AKAP6: variants seen among roughly 807,000 people sequenced by gnomAD.
AKAP6 encodes the protein A-kinase anchoring protein 6.
In AKAP6, 58 loss-of-function variants were observed where a neutral mutation model predicts 188.5. That is an observed-to-expected ratio of 0.31 (90% CI 0.25 to 0.38). AKAP6 has a LOEUF of 0.38. Among genes scored for constraint, AKAP6 ranks in the 10% least tolerant of loss-of-function variants. The probability of loss-of-function intolerance (pLI) is 1.00; values close to 1 mark genes in which losing one functional copy is unlikely to be tolerated. For synonymous variants in AKAP6, 989 were observed against 998.6 expected, an observed-to-expected ratio of 0.99 and a Z score of 0.18; for missense variants, 2,710 against 2,740.0, an observed-to-expected ratio of 0.99 and a Z score of 0.24.
At position 32,833,810 on chromosome 14, in the gene AKAP6, TA is replaced by T. The variant is rs1197342772; in HGVS notation, c.*4006del. On this transcript the variant is annotated 3_prime_UTR_variant, in exon 14 of 14. Transcript: ENST00000280979. The stretch of plus-strand genomic sequence containing the variant: ...ATCGAACCAACTAAATTTACCGCTA[TA>T]TTTTTTTCTACATATTCTTTTTTCA... The T allele has an allele frequency of 3.9e-5, 6 of 152,220 alleles. No individual in the cohort carries two copies. Among genetic ancestry groups the T allele is most frequent in the African/African-American group, 1.2e-4 (5 of 41,464 alleles). The allele number at this position is 152,220 out of a possible 1,614,324, so 9.4% of individuals were successfully genotyped here.
intron 7 of AKAP6, among the ~76,000 whole-genome samples, chr14:32,601,708 T>A (rs907315521): frequency 3.0e-4 from 46 of 152,174 alleles, no homozygotes; most frequent in Non-Finnish European, 6.5e-4. Flanking sequence ...AGTAAGTAAA[T>A]CATCATCAAG....
At chr14:32,671,649 G>A (rs1181506281) in intron 7 of AKAP6, among the ~76,000 whole-genome samples, 1 of 151,866 alleles carries the variant, frequency 6.6e-6, no homozygotes, top group Non-Finnish European at 1.5e-5. Flanking sequence ...GTACCAAAAT[G>A]CAAGGGATTA....
chr14:32,548,693 T>G (rs1883318307), intron 4 of AKAP6, among the ~76,000 whole-genome samples: 1 of 152,056 alleles, frequency 6.6e-6, no homozygotes, highest in African/African-American at 2.4e-5. Flanking sequence ...GACAGACCTT[T>G]TGTGTAGGAA....
At chr14:32,391,988 G>A (rs1340539560) in intron 1 of AKAP6, among the ~76,000 whole-genome samples, 2 of 152,032 alleles carry the variant, frequency 1.3e-5, no homozygotes, top group Non-Finnish European at 2.9e-5. Context: ...ATATACTTCT[G>A]ACTTTTAGAA....
intron 1 of AKAP6, among the ~76,000 whole-genome samples, chr14:32,428,418 G>A (rs143244840): frequency 1.3e-5 from 2 of 152,074 alleles, no homozygotes; most frequent in East Asian, 3.9e-4. Flanking sequence ...TATGAAGCTG[G>A]TACTCTATAC....
chr14:32,381,449 T>C lies in AKAP6; in HGVS notation c.-34-52011T>C, dbSNP rs548340475. On this transcript the variant is annotated intron_variant, in intron 1 of 13. Coordinates refer to ENST00000280979, the MANE Select transcript of AKAP6 (RefSeq NM_004274.5). The stretch of plus-strand genomic sequence containing the variant: ...TTTCAGTGAAGTTTCTGGGTAGTGG[T>C]AGAGATAGAAAACTATCTTTTGAGT... 9.2e-5 allele frequency among the ~76,000 whole-genome samples: 14 copies of C among 152,312 alleles called. No homozygotes were observed. The South Asian group carries it at 2.9e-3, about 32-fold the overall frequency.
intron 7 of AKAP6, among the ~76,000 whole-genome samples, chr14:32,602,506 T>TTTTTTAAAA (rs1359717605): frequency 2.0e-5 from 3 of 151,896 alleles, no homozygotes; most frequent in African/African-American, 7.3e-5. Flanking sequence ...AAAAAACAAG[T>TTTTTTAAAA]CAAAAATCTT....
intron 12 of AKAP6, among the ~76,000 whole-genome samples, chr14:32,802,186 T>C (rs986030881): frequency 7.9e-5 from 12 of 152,194 alleles, no homozygotes; most frequent in African/African-American, 2.7e-4. Flanking sequence ...GCATTTCAGT[T>C]TGGGAATTTT....
intron 1 of AKAP6, among the ~76,000 whole-genome samples, chr14:32,339,977 G>GT (rs1038522244): frequency 2.0e-3 from 292 of 143,200 alleles, no homozygotes; most frequent in African/African-American, 4.9e-3. Flanking sequence ...AGGTGTTAGG[G>GT]TTTTTTTTTT....
At position 32,834,990 on chromosome 14, in the gene AKAP6, T is replaced by C. The variant is rs1233513087; in HGVS notation, c.*5185T>C. On this transcript the variant is annotated 3_prime_UTR_variant, in exon 14 of 14. Transcript: ENST00000280979. ...AATACTTCATGACATGTGAAAATCA[T>C]ATGAAATTTAAATTTTGGTGTCCAT... is the stretch of plus-strand genomic sequence containing the variant. 3 of 152,226 alleles carry C rather than the reference T, an allele frequency of 2.0e-5. No homozygotes were observed. Among genetic ancestry groups the C allele is most frequent in the Non-Finnish European group, 4.4e-5 (3 of 68,038 alleles). 9.4% of individuals were successfully genotyped at this position (152,226 alleles called of 1,614,324 possible). A position where few individuals can be genotyped will look rare whatever the true frequency, so the allele number is the denominator to read the frequency against.
intron 2 of AKAP6, among the ~76,000 whole-genome samples, chr14:32,467,186 C>T (rs1447980366): frequency 6.7e-6 from 1 of 149,848 alleles, no homozygotes; most frequent in African/African-American, 2.5e-5. Context: ...CACATGAACC[C>T]CCGAACCTAA....
chr14:32,779,450 A>T (rs1008037189), intron 12 of AKAP6, among the ~76,000 whole-genome samples: 2 of 150,194 alleles, frequency 1.3e-5, no homozygotes, highest in South Asian at 4.2e-4. Flanking sequence ...ACCCACTTTA[A>T]ACATAAAGAT....
In AKAP6 at chr14:32,837,326, G is replaced by C. The variant is rs755473055; in HGVS notation, c.*7521G>C. 1.3e-5 allele frequency: 2 copies of C among 152,126 alleles called. No individual in the cohort carries two copies. Among genetic ancestry groups the C allele is most frequent in the Non-Finnish European group, 2.9e-5 (2 of 68,018 alleles). 9.4% of individuals were successfully genotyped at this position (152,126 alleles called of 1,614,324 possible). A position where few individuals can be genotyped will look rare whatever the true frequency, so the allele number is the denominator to read the frequency against. On this transcript the variant is annotated 3_prime_UTR_variant, in exon 14 of 14. Transcript: ENST00000280979. The stretch of plus-strand genomic sequence containing the variant: ...TTAAACCTAACCTGCCATTTTAAAA[G>C]ACACCTAACTCTATAAACAAATGGG...
chr14:32,533,018 A>C (rs900978791), intron 2 of AKAP6, among the ~76,000 whole-genome samples: 2 of 152,298 alleles, frequency 1.3e-5, no homozygotes, highest in African/African-American at 2.4e-5. Context: ...ATTGTTACAC[A>C]GGTGAAGTGA....
Position 32,364,295 on chromosome 14 carries a change from G to A in AKAP6, c.-35+34887G>A, listed in dbSNP as rs543886892. On this transcript the variant is annotated intron_variant, in intron 1 of 13. Transcript: ENST00000280979. ...ACTTTCTGGGATTTTTCTAGCTATT[G>A]ATACAGAGAAGTTTCCATTGTAACC... is the stretch of plus-strand genomic sequence containing the variant. Among the ~76,000 whole-genome samples, 30 of 152,312 alleles carry A rather than the reference G, an allele frequency of 2.0e-4. 1 individual carries two copies. The highest frequency in any genetic ancestry group is 6.7e-4 in the African/African-American group (28 of 41,564).
chr14:32,640,513 T>G (rs1887708293), intron 7 of AKAP6, among the ~76,000 whole-genome samples: 1 of 152,180 alleles, frequency 6.6e-6, no homozygotes. Flanking sequence ...GTAAACAATT[T>G]TCTTTTGTAA....
chr14:32,569,233 T>A (rs1167856106), intron 4 of AKAP6, among the ~76,000 whole-genome samples: 1 of 152,214 alleles, frequency 6.6e-6, no homozygotes, highest in African/African-American at 2.4e-5. Flanking sequence ...TCTGGAACAA[T>A]TTTATCAGGA....
intron 4 of AKAP6, among the ~76,000 whole-genome samples, chr14:32,556,672 T>A (rs1883702356): frequency 6.6e-6 from 1 of 152,216 alleles, no homozygotes; most frequent in Non-Finnish European, 1.5e-5. Flanking sequence ...TTATTATATG[T>A]ATGATTTGCA....
chr14:32,612,363 T>C (rs1383031643), intron 7 of AKAP6, among the ~76,000 whole-genome samples: 18 of 152,136 alleles, frequency 1.2e-4, no homozygotes. Context: ...TTTTAGTAAA[T>C]TTTGTTTGAT....
Sources: allele counts gnomAD v4.1 joint callset (sites outside exome capture counted in the v4.1 genomes callset), GRCh38; gene constraint gnomAD v4.1.1; transcripts MANE v1.5; gene names NCBI Gene and HGNC (gene_info 2026-07-23, HGNC 2026-07-21).